Variants in ST13 observed in about 807,000 individuals in gnomAD.
ST13 encodes ST13 Hsp70 interacting protein.
In ST13, 23 loss-of-function variants were observed where a neutral mutation model predicts 56.7. The observed-to-expected ratio is 0.41, with a 90% CI of 0.29 to 0.57. The LOEUF is 0.57. ST13 is among the 20% of genes least tolerant of loss of function. The pLI is 0.36. For synonymous variants in ST13, 132 were observed against 142.4 expected (o/e 0.93, Z 0.52); for missense variants, 369 against 459.9 (o/e 0.80, Z 1.81).
At chr22:40,831,482 C>T (rs898023455) in intron 8 of ST13, among the ~76,000 whole-genome samples, 5 of 152,126 alleles carry the variant, frequency 3.3e-5, no homozygotes, top group African/African-American at 1.2e-4. Flanking sequence ...AATATGTATA[C>T]CAGACACTAG....
At chr22:40,846,225 C>G (rs372233811) in intron 3 of ST13, among the ~76,000 whole-genome samples, 1 of 152,172 alleles carries the variant, frequency 6.6e-6, no homozygotes, top group Admixed American at 6.5e-5. Flanking sequence ...TGTGAGTCAC[C>G]GTGCCTGACC....
chr22:40,840,042 C>T (rs967530615), intron 5 of ST13, among the ~76,000 whole-genome samples: 6 of 148,296 alleles, frequency 4.0e-5, no homozygotes, highest in Non-Finnish European at 6.0e-5. Context: ...CCCAGCTACT[C>T]GGGAGGCTGA....
chr22:40,832,038 T>G, intron 8 of ST13: 1 of 353,378 alleles, frequency 2.8e-6, no homozygotes, highest in South Asian at 2.2e-5. Flanking sequence ...GTACTTTTAG[T>G]AGAGACAGGG....
At chr22:40,852,280 T>A (rs1388496057) in intron 1 of ST13, among the ~76,000 whole-genome samples, 1 of 152,256 alleles carries the variant, frequency 6.6e-6, no homozygotes, top group African/African-American at 2.4e-5. Context: ...AGGTGCCTAC[T>A]GGCATCTCAT....
chr22:40,854,431 A>G (rs1009077873), intron 1 of ST13: 1 of 152,226 alleles, frequency 6.6e-6, no homozygotes, highest in African/African-American at 2.4e-5. Context: ...AAAGAATGTA[A>G]GTGGAATCAG....
intron 5 of ST13, 172 bp from the exon 6 acceptor site, chr22:40,836,059 T>C: frequency 1.8e-6 from 1 of 558,502 alleles, no homozygotes; most frequent in Non-Finnish European, 3.1e-6. Context: ...TTACCACACC[T>C]ATACTGTAAC....
chr22:40,840,302 T>C (rs1002547407), intron 5 of ST13, among the ~76,000 whole-genome samples: 8 of 152,112 alleles, frequency 5.3e-5, no homozygotes, highest in Non-Finnish European at 1.0e-4. Flanking sequence ...GGTATTAGTA[T>C]GTAAAAAGTT....
chr22:40,824,765 C>T lies in ST13; in HGVS notation c.*1773G>A, dbSNP rs1459287070. Reference sequence around the variant, plus strand: ...AGAACTCTACACATTAACAAAAGAACACACAAGCTCAAATGCAAGTTTATA... The same window carrying T: ...AGAACTCTACACATTAACAAAAGAATACACAAGCTCAAATGCAAGTTTATA... On this transcript the variant is annotated 3_prime_UTR_variant, in exon 12 of 12. Transcript: ENST00000216218. 1.3e-5 allele frequency: 2 copies of T among 152,166 alleles called. No homozygotes were observed. The highest frequency in any genetic ancestry group is 2.9e-5 in the Non-Finnish European group (2 of 68,044). The allele number at this position is 152,166 out of a possible 1,614,324, so 9.4% of individuals were successfully genotyped here.
chr22:40,853,372 A>C (rs1005730994), intron 1 of ST13, among the ~76,000 whole-genome samples: 5 of 152,156 alleles, frequency 3.3e-5, no homozygotes, highest in Middle Eastern at 6.3e-3. Context: ...AAAAAAAAAG[A>C]GGATTTACTC....
intron 4 of ST13, among the ~76,000 whole-genome samples, chr22:40,841,781 C>T (rs942578546): frequency 3.3e-5 from 5 of 150,550 alleles, no homozygotes; most frequent in African/African-American, 9.8e-5. Context: ...TTTATAGAGA[C>T]GGGTTTTCAT....
At chr22:40,837,061 C>G (rs1286298886) in intron 5 of ST13, among the ~76,000 whole-genome samples, 1 of 152,240 alleles carries the variant, frequency 6.6e-6, no homozygotes, top group Non-Finnish European at 1.5e-5. Context: ...AGTAATCCCC[C>G]CAACTCAGCC....
At chr22:40,851,072 A>G (rs1371120376) in intron 1 of ST13, among the ~76,000 whole-genome samples, 192 bp from the exon 2 acceptor site, 1 of 152,176 alleles carries the variant, frequency 6.6e-6, no homozygotes, top group African/African-American at 2.4e-5. Flanking sequence ...AATTTATTTT[A>G]AGGCTACTGG....
At chr22:40,855,773 G>A (rs796743466) in intron 1 of ST13, among the ~76,000 whole-genome samples, 13 of 151,966 alleles carry the variant, frequency 8.6e-5, no homozygotes, top group African/African-American at 3.1e-4. Flanking sequence ...TGCACGTAGC[G>A]AAGTACTCTA....
intron 11 of ST13, 101 bp from the exon 12 acceptor site, chr22:40,826,767 T>G: frequency 7.2e-7 from 1 of 1,390,230 alleles, no homozygotes; most frequent in Non-Finnish European, 9.9e-7. Context: ...AATTTGGTGA[T>G]AGTTAAGTTA....
chr22:40,844,516 C>T (rs928021687), intron 4 of ST13, among the ~76,000 whole-genome samples: 3 of 152,080 alleles, frequency 2.0e-5, no homozygotes, highest in Admixed American at 1.3e-4. Context: ...CCTGTTATGA[C>T]AAACCATTCT....
At chr22:40,846,533 A>G (rs150206873) in intron 3 of ST13, among the ~76,000 whole-genome samples, 113 of 152,362 alleles carry the variant, frequency 7.4e-4, no homozygotes, top group African/African-American at 2.6e-3. Flanking sequence ...ATTTGTATAC[A>G]AAAAAGAAAA....
intron 4 of ST13, among the ~76,000 whole-genome samples, chr22:40,842,670 T>C (rs1219506368): frequency 2.6e-5 from 4 of 152,210 alleles, no homozygotes; most frequent in African/African-American, 7.2e-5. Flanking sequence ...GCTGAAAATA[T>C]TCTAGAGCTA....
Position 40,844,845 on chromosome 22 carries a change from A to G in ST13, c.309T>C (p.Asn103=), listed in dbSNP as rs774549100. 4 of 1,613,172 alleles carry G rather than the reference A, an allele frequency of 2.5e-6. No homozygotes were observed. Among genetic ancestry groups the G allele is most frequent in the African/African-American group, 1.3e-5 (1 of 74,894 alleles). The change falls in exon 4 of 12, where the codon AAT becomes AAC. Residue 103 remains asparagine, a synonymous_variant. Transcript: ENST00000216218. Reference sequence around the variant, plus strand: ...ATCAAGTCACCGAACTTACCTCCGCATTTTCATCTCCCATTTCTTGAGGAG... The same window carrying G: ...ATCAAGTCACCGAACTTACCTCCGCGTTTTCATCTCCCATTTCTTGAGGAG... ...TDAPQEMGDE[N]AEITEEMMDQ...
rs1356619850 is a variant in ST13 at position 40,830,935 on chromosome 22, G to A, written c.703C>T (p.Arg235Trp). ...QPRAQKIAEHRRKYERKREER... is the reference protein window; with the variant it reads ...QPRAQKIAEHWRKYERKREER... Reference sequence around the variant, plus strand: ...TCACGTTTTCGCTCATACTTTCTCCGATGTTCTGCAATTTTCTGTGCCTAG... The same window carrying A: ...TCACGTTTTCGCTCATACTTTCTCCAATGTTCTGCAATTTTCTGTGCCTAG... Residue 235 changes from arginine to tryptophan, a missense_variant, in exon 9 of 12, where the codon CGG (arginine) becomes TGG (tryptophan). By Grantham distance (101) the Arg-to-Trp change is moderately radical (BLOSUM62 -3). This residue lies in a region of ST13 where 64 missense variants were observed against 125.1 expected (regional missense o/e 0.51). Coordinates refer to ENST00000216218, the MANE Select transcript of ST13 (RefSeq NM_003932.5). 7 of 1,600,148 alleles carry A rather than the reference G, an allele frequency of 4.4e-6. No individual in the cohort carries two copies. Among genetic ancestry groups the A allele is most frequent in the East Asian group, 2.2e-5 (1 of 44,832 alleles).
Sources: gnomAD v4.1 joint callset for allele counts (sites outside exome capture counted in the v4.1 genomes callset) on GRCh38, gnomAD v4.1.1 for gene constraint, gnomAD v4.1.1 regional missense constraint, MANE v1.5 for transcripts, NCBI Gene and HGNC (gene_info 2026-07-23, HGNC 2026-07-21) for gene names.